Variants in FCGR2B observed in about 807,000 individuals in gnomAD.
The protein encoded by FCGR2B is Fc gamma receptor IIb, also known as low affinity immunoglobulin gamma Fc region receptor II-b.
FCGR2B carries 18 observed loss-of-function variants against 24.8 expected under a neutral mutation model. The observed-to-expected ratio is 0.73, with a 90% CI of 0.50 to 1.08. The LOEUF (loss-of-function observed/expected upper bound fraction) is 1.08. FCGR2B is among the 50% of genes least tolerant of loss of function. The probability of loss-of-function intolerance (pLI) is 0.00; values close to 1 mark genes in which losing one functional copy is unlikely to be tolerated. For synonymous variants in FCGR2B, 79 were observed against 109.8 expected (o/e 0.72, Z 1.75); for missense variants, 215 against 297.6 (o/e 0.72, Z 2.04).
rs1458729104 is a variant in FCGR2B, at chr1:161,675,436, G to A, written c.817+123G>A. 9.4e-6 allele frequency: 6 copies of A among 636,040 alleles called. No individual in the cohort carries two copies. In the East Asian group the frequency reaches 1.3e-4, roughly 14 times the overall value. The allele number at this position is 636,040 out of a possible 1,614,324, so 39.4% of individuals were successfully genotyped here. On this transcript the variant is annotated intron_variant, in intron 6 of 7. Coordinates refer to ENST00000358671, the MANE Select transcript of FCGR2B (RefSeq NM_001394477.1). ...GCCAGGGAGGGAGCAGCAGTGGGAG[G>A]ATGGCTGGGGCTCAAATCGCTTGGT...
At position 161,677,776 on chromosome 1, in the gene FCGR2B, T is replaced by A; in HGVS notation, c.*223T>A. The A allele has an allele frequency of 1.9e-6, 1 of 530,214 alleles. No homozygotes were observed. The highest frequency in any genetic ancestry group is 3.3e-6 in the Non-Finnish European group (1 of 302,472). 32.8% of individuals were successfully genotyped at this position (530,214 alleles called of 1,614,324 possible). ...GCACCTTCTGTGCTTCAGCTCTTCT[T>A]GACATCAAGGCTCTTCCGTTCCACA... On this transcript the variant is annotated 3_prime_UTR_variant, in exon 8 of 8. Transcript: ENST00000358671.
chr1:161,654,851 T>A, the FCGR2B span, among the ~76,000 whole-genome samples: 2 of 138,482 alleles, frequency 1.4e-5, no homozygotes, highest in African/African-American at 4.9e-5. Flanking sequence ...AGAAAAGTTA[T>A]CACTTTGTGT....
At chr1:161,671,223 T>C (rs939073790) in intron 2 of FCGR2B, among the ~76,000 whole-genome samples, 169 bp from the exon 3 acceptor site, 3 of 152,100 alleles carry the variant, frequency 2.0e-5, no homozygotes, top group African/African-American at 7.2e-5. Flanking sequence ...GCCGTTGTGG[T>C]GGGATGTATG....
At chr1:161,675,722 G>C (rs1470290666) in intron 6 of FCGR2B, 1 of 236,850 alleles carries the variant, frequency 4.2e-6, no homozygotes, top group Non-Finnish European at 8.3e-6. Flanking sequence ...GGAGGAGGAG[G>C]CCTGGAAACC....
chr1:161,676,851 CTTTT>C (rs1213063512), intron 6 of FCGR2B: 1 of 172,434 alleles, frequency 5.8e-6, no homozygotes, highest in Non-Finnish European at 1.2e-5. Flanking sequence ...CTCTCTCTTT[CTTTT>C]TAATGCCATG....
At chr1:161,647,295 C>CTTT in the FCGR2B span, among the ~76,000 whole-genome samples, 3 of 131,586 alleles carry the variant, frequency 2.3e-5, no homozygotes, top group African/African-American at 9.0e-5. Flanking sequence ...TTGCTCTGGA[C>CTTT]TCTTTTTTTT....
chr1:161,677,129 G>A (rs779604947), intron 6 of FCGR2B, 199 bp from the exon 7 acceptor site: 11 of 601,596 alleles, frequency 1.8e-5, no homozygotes, highest in Admixed American at 7.0e-5. Context: ...TGGCCTTTGC[G>A]GAAGGCTGTG....
At chr1:161,649,896 A>G in the FCGR2B span, among the ~76,000 whole-genome samples, 2 of 150,360 alleles carry the variant, frequency 1.3e-5, no homozygotes, top group African/African-American at 4.9e-5. Flanking sequence ...TATTGATTGG[A>G]TGGGAATGGT....
At chr1:161,649,019 G>C in the FCGR2B span, among the ~76,000 whole-genome samples, 1 of 150,826 alleles carries the variant, frequency 6.6e-6, no homozygotes, top group East Asian at 1.9e-4. Context: ...CAGTTATGAA[G>C]GTCACTGAAG....
Position 161,677,322 on chromosome 1 carries a change from C to T in FCGR2B, c.818-6C>T. Reference sequence around the variant, plus strand: ...CTCTGGCTGATATTTCTTCTTTTTCCCACAGCCAATCCCACTAATCCTGAT... The same window carrying T: ...CTCTGGCTGATATTTCTTCTTTTTCTCACAGCCAATCCCACTAATCCTGAT... On this transcript the variant is annotated splice_polypyrimidine_tract_variant and splice_region_variant and intron_variant, in intron 6 of 7. Transcript: ENST00000358671. 4 of 1,613,772 alleles carry T rather than the reference C, an allele frequency of 2.5e-6. No individual in the cohort carries two copies. Among genetic ancestry groups the T allele is most frequent in the East Asian group, 2.2e-5 (1 of 44,878 alleles).
chr1:161,674,929 G>T (rs1407302137), intron 5 of FCGR2B: 1 of 246,436 alleles, frequency 4.1e-6, no homozygotes, highest in Non-Finnish European at 7.7e-6. Context: ...CTCAGTTACT[G>T]ATGATAAGTA....
chr1:161,676,044 A>G, intron 6 of FCGR2B: 1 of 231,596 alleles, frequency 4.3e-6, no homozygotes. Context: ...TCTAGATTTG[A>G]CATTCTGAGA....
the FCGR2B span, among the ~76,000 whole-genome samples, chr1:161,652,820 G>A: frequency 5.1e-4 from 69 of 134,424 alleles, 7 homozygotes; most frequent in African/African-American, 1.6e-3. Context: ...AGCTGGGTTC[G>A]GGTTTTATTA....
intron 3 of FCGR2B, 102 bp from the exon 4 acceptor site, chr1:161,672,873 A>C: frequency 1.3e-6 from 2 of 1,522,538 alleles, no homozygotes; most frequent in East Asian, 4.7e-5. Context: ...TTCAGACCTA[A>C]GCTGTTCCCT....
At chr1:161,655,195 G>A in the FCGR2B span, among the ~76,000 whole-genome samples, 1 of 151,542 alleles carries the variant, frequency 6.6e-6, no homozygotes, top group Non-Finnish European at 1.5e-5. Context: ...ATGTAGGTAG[G>A]CTCTGCTATT....
chr1:161,671,749 T>A (rs1401346360), intron 3 of FCGR2B, 100 bp downstream of exon 3: 2 of 1,579,508 alleles, frequency 1.3e-6, no homozygotes, highest in Admixed American at 3.5e-5. Flanking sequence ...GCCTGCTTAC[T>A]GGGAAGTATC....
At chr1:161,651,941 G>GAAATA in the FCGR2B span, among the ~76,000 whole-genome samples, 499 of 105,356 alleles carry the variant, frequency 4.7e-3, 54 homozygotes, top group East Asian at 0.057. Flanking sequence ...CTCAAAAACT[G>GAAATA]AAATAAAATA....
At chr1:161,677,405 T>C in intron 7 of FCGR2B, 40 bp downstream of exon 7, 3 of 1,612,096 alleles carry the variant, frequency 1.9e-6, no homozygotes, top group Non-Finnish European at 1.7e-6. Context: ...TTCTCCCCTG[T>C]TGCCTTTTCT....
the FCGR2B span, among the ~76,000 whole-genome samples, chr1:161,653,237 C>T: frequency 7.6e-6 from 1 of 132,318 alleles, no homozygotes; most frequent in Non-Finnish European, 1.7e-5. Context: ...AATCCAGTGT[C>T]TACTAAAAAT....
Sources: allele counts gnomAD v4.1 joint callset (sites outside exome capture counted in the v4.1 genomes callset), GRCh38; gene constraint gnomAD v4.1.1; transcripts MANE v1.5; gene names NCBI Gene and HGNC (gene_info 2026-07-23, HGNC 2026-07-21).